ST8SIA4: variants seen among roughly 807,000 people sequenced by gnomAD.
ST8SIA4 encodes CMP-N-acetylneuraminate-poly-alpha-2,8-sialyltransferase.
Under a neutral mutation model 33.9 loss-of-function variants are expected in ST8SIA4, and 15 were observed. The observed-to-expected ratio is 0.44, with a 90% CI of 0.30 to 0.68. The LOEUF (loss-of-function observed/expected upper bound fraction) is 0.68, where lower values mean the gene tolerates loss of function less well. Ranked by LOEUF, ST8SIA4 falls within the 30% of genes least tolerant of loss-of-function variation. ST8SIA4 has a pLI of 0.10. For missense variants in ST8SIA4, 321 were observed against 428.0 expected, an observed-to-expected ratio of 0.75 and a Z score of 2.21; for synonymous variants, 171 against 151.2, an observed-to-expected ratio of 1.13 and a Z score of -0.96.
chr5:100,815,823 C>T (rs1750904939), intron 4 of ST8SIA4, among the ~76,000 whole-genome samples: 2 of 152,014 alleles, frequency 1.3e-5, no homozygotes, highest in African/African-American at 2.4e-5. Context: ...TTCTTTGGAG[C>T]CCAGTTAACA....
At chr5:100,817,109 A>ATTTTTT (rs57222657) in intron 4 of ST8SIA4, among the ~76,000 whole-genome samples, 15 of 74,362 alleles carry the variant, frequency 2.0e-4, no homozygotes, top group African/African-American at 4.7e-4. Context: ...CACCCAGCTA[A>ATTTTTT]TTTTTTTTTT....
At chr5:100,860,832 T>C (rs1323960760) in intron 3 of ST8SIA4, among the ~76,000 whole-genome samples, 1 of 152,192 alleles carries the variant, frequency 6.6e-6, no homozygotes, top group African/African-American at 2.4e-5. Context: ...GAGTGTTCTA[T>C]CATTTATCCC....
intron 4 of ST8SIA4, among the ~76,000 whole-genome samples, chr5:100,838,041 G>A (rs979543470): frequency 6.6e-6 from 1 of 151,958 alleles, no homozygotes. Context: ...TAAAACAAAT[G>A]GTTAGAGAGC....
chr5:100,853,529 A>C (rs1024299155), intron 4 of ST8SIA4, among the ~76,000 whole-genome samples: 4 of 152,180 alleles, frequency 2.6e-5, no homozygotes, highest in Non-Finnish European at 4.4e-5. Context: ...CATAGTAACC[A>C]AAAAAAGCAT....
intron 3 of ST8SIA4, among the ~76,000 whole-genome samples, chr5:100,864,076 T>TA (rs1752007453): frequency 6.6e-6 from 1 of 151,990 alleles, no homozygotes; most frequent in African/African-American, 2.4e-5. Flanking sequence ...CAAGAAAGGA[T>TA]AAAAAATAGA....
At chr5:100,844,618 G>A (rs1014396020) in intron 4 of ST8SIA4, among the ~76,000 whole-genome samples, 1 of 152,054 alleles carries the variant, frequency 6.6e-6, no homozygotes, top group South Asian at 2.1e-4. Flanking sequence ...TCCATGGAAT[G>A]TGAAAAAGTA....
chr5:100,817,094 T>C (rs1750939535), intron 4 of ST8SIA4, among the ~76,000 whole-genome samples: 1 of 138,034 alleles, frequency 7.2e-6, no homozygotes, highest in South Asian at 2.4e-4. Context: ...AGGCGCCCAC[T>C]ACAACACCCA....
intron 4 of ST8SIA4, among the ~76,000 whole-genome samples, chr5:100,836,429 A>C (rs1751362754): frequency 2.0e-5 from 3 of 150,152 alleles, no homozygotes. Flanking sequence ...TGCTGCATTC[A>C]TTTTTTTTTG....
intron 3 of ST8SIA4, among the ~76,000 whole-genome samples, chr5:100,857,530 G>A (rs1751844154): frequency 6.6e-6 from 1 of 151,850 alleles, no homozygotes; most frequent in African/African-American, 2.4e-5. Context: ...ATGAAAATAT[G>A]AAACTATTTT....
intron 4 of ST8SIA4, among the ~76,000 whole-genome samples, chr5:100,815,103 T>C (rs1750887840): frequency 6.6e-6 from 1 of 152,006 alleles, no homozygotes; most frequent in African/African-American, 2.4e-5. Flanking sequence ...GTTTAAAATT[T>C]AGCAAAATTT....
chr5:100,884,618 CAG>C (rs1181321253), intron 3 of ST8SIA4, among the ~76,000 whole-genome samples: 1 of 152,118 alleles, frequency 6.6e-6, no homozygotes, highest in Non-Finnish European at 1.5e-5. Flanking sequence ...ACTCTTAAGA[CAG>C]AGAAAGAGTG....
intron 4 of ST8SIA4, among the ~76,000 whole-genome samples, chr5:100,845,937 C>A (rs559724373): frequency 6.6e-6 from 1 of 152,026 alleles, no homozygotes; most frequent in Non-Finnish European, 1.5e-5. Flanking sequence ...TGCTCCCATG[C>A]GTCATGCCTC....
Position 100,867,538 on chromosome 5 carries a change from T to C in ST8SIA4, c.504-11142A>G, listed in dbSNP as rs1752093901. Among the ~76,000 whole-genome samples, 3 of 152,162 alleles carry C rather than the reference T, an allele frequency of 2.0e-5. No individual in the cohort carries two copies. In the East Asian group the frequency reaches 5.8e-4, roughly 29 times the overall value. On this transcript the variant is annotated intron_variant, in intron 3 of 4. Transcript: ENST00000231461. ...GTAGAAAAACTATAATTGTTCCCTT[T>C]GCAATTTATGCTGTTAATAAGGTAT...
chr5:100,870,258 T>G (rs911880528), intron 3 of ST8SIA4, among the ~76,000 whole-genome samples: 1 of 152,184 alleles, frequency 6.6e-6, no homozygotes, highest in Non-Finnish European at 1.5e-5. Context: ...GATGAACATT[T>G]GGGTTGGTTC....
At chr5:100,837,205 T>C (rs1040007881) in intron 4 of ST8SIA4, among the ~76,000 whole-genome samples, 4 of 152,042 alleles carry the variant, frequency 2.6e-5, no homozygotes, top group Non-Finnish European at 5.9e-5. Flanking sequence ...TAAATACTTT[T>C]TCTTTGTCCA....
intron 4 of ST8SIA4, among the ~76,000 whole-genome samples, chr5:100,820,449 G>A (rs1337408512): frequency 1.3e-5 from 2 of 151,906 alleles, no homozygotes; most frequent in African/African-American, 2.4e-5. Context: ...CATAATTAAT[G>A]TATTTTTTCA....
intron 4 of ST8SIA4, among the ~76,000 whole-genome samples, chr5:100,818,681 A>T (rs1244244383): frequency 6.6e-6 from 1 of 152,114 alleles, no homozygotes; most frequent in Admixed American, 6.5e-5. Context: ...AGTAGCTGAG[A>T]AAAAGAAAGT....
At chr5:100,843,600 T>C (rs1008615600) in intron 4 of ST8SIA4, among the ~76,000 whole-genome samples, 5 of 151,858 alleles carry the variant, frequency 3.3e-5, no homozygotes, top group Non-Finnish European at 7.4e-5. Context: ...TGAAAACTCA[T>C]GTAAAAATAA....
chr5:100,857,909 G>T (rs1439380590), intron 3 of ST8SIA4, among the ~76,000 whole-genome samples: 3 of 151,724 alleles, frequency 2.0e-5, no homozygotes, highest in Non-Finnish European at 4.4e-5. Context: ...TTCAATTTGG[G>T]TATCTTTAAT....
Sources: gnomAD v4.1 joint callset for allele counts (sites outside exome capture counted in the v4.1 genomes callset) on GRCh38, gnomAD v4.1.1 for gene constraint, MANE v1.5 for transcripts, NCBI Gene and HGNC (gene_info 2026-07-23, HGNC 2026-07-21) for gene names.